Variants in SOX6 observed in about 807,000 individuals in gnomAD.
The protein encoded by SOX6 is SRY-box transcription factor 6.
A neutral mutation model predicts 97.8 loss-of-function variants in SOX6; 11 were observed. The ratio of observed to expected loss-of-function variants is 0.11; its 90% CI spans 0.07 to 0.19. The LOEUF is 0.19. Ranked by LOEUF, SOX6 falls within the 10% of genes least tolerant of loss-of-function variation. The pLI, the probability that SOX6 is intolerant of heterozygous loss-of-function variation, is 1.00. For missense variants in SOX6, 810 were observed against 1,039.5 expected (o/e 0.78, Z 3.04); for synonymous variants, 360 against 371.4 (o/e 0.97, Z 0.35).
In SOX6 at chr11:16,005,214, A is replaced by G. The variant is rs577952436; in HGVS notation, c.1732+9728T>C. On this transcript the variant is annotated intron_variant, in intron 13 of 15. Coordinates refer to ENST00000683767, the MANE Select transcript of SOX6 (RefSeq NM_001367873.1). ...ACCCATAAGTTAACTGAAGAATGCAATTTACTCCTTAATGGAGCCTCTCTT... is the reference window on the plus strand; with the variant it reads ...ACCCATAAGTTAACTGAAGAATGCAGTTTACTCCTTAATGGAGCCTCTCTT... Among the ~76,000 whole-genome samples, 35 of 152,136 alleles carry G rather than the reference A, an allele frequency of 2.3e-4. No homozygotes were observed. In the South Asian group the frequency reaches 7.1e-3, roughly 31 times the overall value.
At chr11:16,542,626 G>C (rs1458814568) in intron 4 of SOX6, among the ~76,000 whole-genome samples, 1 of 151,988 alleles carries the variant, frequency 6.6e-6, no homozygotes, top group Non-Finnish European at 1.5e-5. Context: ...TTTGAGAACT[G>C]TATTCAACAG....
chr11:16,316,712 C>T (rs1020546746), intron 3 of SOX6: 1 of 152,070 alleles, frequency 6.6e-6, no homozygotes, highest in Non-Finnish European at 1.5e-5. Context: ...TTTTGAAAAC[C>T]ACTTACTTAT....
chr11:16,371,001 G>A (rs1475130202), intron 1 of SOX6, among the ~76,000 whole-genome samples: 1 of 151,960 alleles, frequency 6.6e-6, no homozygotes, highest in Non-Finnish European at 1.5e-5. Context: ...AAATAAACAT[G>A]AGTCAGATCA....
At chr11:16,594,854 A>C (rs1182467271) in intron 4 of SOX6, among the ~76,000 whole-genome samples, 1 of 151,566 alleles carries the variant, frequency 6.6e-6, no homozygotes. Flanking sequence ...CCATGCCTGG[A>C]TAATTTTTTG....
At chr11:16,233,010 A>G (rs1852905746) in intron 4 of SOX6, among the ~76,000 whole-genome samples, 1 of 152,158 alleles carries the variant, frequency 6.6e-6, no homozygotes, top group African/African-American at 2.4e-5. Context: ...TTTATTAATT[A>G]TTTGCTGGGA....
intron 6 of SOX6, among the ~76,000 whole-genome samples, chr11:16,154,567 T>C (rs1186605399): frequency 6.6e-6 from 1 of 152,144 alleles, no homozygotes; most frequent in East Asian, 1.9e-4. Context: ...TCTTTTCTAA[T>C]CACCTGTCTC....
At chr11:16,563,190 A>C (rs375072799) in intron 4 of SOX6, among the ~76,000 whole-genome samples, 1 of 152,196 alleles carries the variant, frequency 6.6e-6, no homozygotes, top group Admixed American at 6.5e-5. Context: ...CAAATGAAGG[A>C]AATAGCCTCA....
At chr11:16,542,156 C>G (rs1265335403) in intron 4 of SOX6, among the ~76,000 whole-genome samples, 1 of 152,176 alleles carries the variant, frequency 6.6e-6, no homozygotes, top group African/African-American at 2.4e-5. Context: ...GAGTTCATGT[C>G]CTTTGCAGGG....
chr11:16,715,361 A>G (rs1165270539), intron 2 of SOX6, among the ~76,000 whole-genome samples: 1 of 152,234 alleles, frequency 6.6e-6, no homozygotes, highest in Non-Finnish European at 1.5e-5. Context: ...TAGTATGGCT[A>G]CTAGAAAATT....
intron 3 of SOX6, among the ~76,000 whole-genome samples, chr11:16,292,639 C>CAT (rs1170078531): frequency 6.6e-6 from 1 of 152,130 alleles, no homozygotes; most frequent in African/African-American, 2.4e-5. Flanking sequence ...TAAAACTCAA[C>CAT]ATATGTCCAA....
intron 4 of SOX6, among the ~76,000 whole-genome samples, chr11:16,525,961 G>A (rs1260119577): frequency 6.6e-6 from 1 of 152,076 alleles, no homozygotes; most frequent in Non-Finnish European, 1.5e-5. Flanking sequence ...TTAGAGTGGC[G>A]ATCATTAAAA....
rs183353659 is a variant in SOX6, at chr11:16,373,340, A to G, written c.-4-32088T>C. On this transcript the variant is annotated intron_variant, in intron 1 of 15. Coordinates refer to the SOX6 transcript ENST00000396356. ...GAGAGATGTGTCAGCAGTCAATCCA[A>G]GCAAACGGGTCCTTCTTCAGTTTCT... Among the ~76,000 whole-genome samples the G allele has an allele frequency of 2.6e-3, 389 of 152,234 alleles. 15 individuals carry two copies. The highest frequency in any genetic ancestry group is 0.025 in the Admixed American group (387 of 15,254).
intron 2 of SOX6, among the ~76,000 whole-genome samples, chr11:16,339,644 T>C (rs548741005): frequency 6.6e-6 from 1 of 152,156 alleles, no homozygotes; most frequent in East Asian, 1.9e-4. Flanking sequence ...TAATTTCTAT[T>C]CCCTCTCCCA....
chr11:16,470,550 A>C (rs911171359), intron 1 of SOX6, among the ~76,000 whole-genome samples: 1 of 152,180 alleles, frequency 6.6e-6, no homozygotes, highest in African/African-American at 2.4e-5. Flanking sequence ...CAAATGGTCC[A>C]GGAACCTGAG....
intron 4 of SOX6, among the ~76,000 whole-genome samples, chr11:16,188,749 T>C (rs1471519336): frequency 6.6e-6 from 1 of 152,084 alleles, no homozygotes; most frequent in East Asian, 1.9e-4. Flanking sequence ...TCCCTATTCT[T>C]AGGCATTTTG....
intron 9 of SOX6, 62 bp from the exon 10 acceptor site, chr11:16,055,963 G>A: frequency 1.3e-6 from 2 of 1,569,936 alleles, no homozygotes; most frequent in South Asian, 2.2e-5. Flanking sequence ...AGTTTCAAAA[G>A]AAAAAACTTA....
intron 2 of SOX6, among the ~76,000 whole-genome samples, chr11:16,327,533 A>G (rs1277493586): frequency 3.3e-5 from 5 of 152,168 alleles, no homozygotes; most frequent in Non-Finnish European, 7.3e-5. Context: ...CAGGAACTTT[A>G]GCATTTATAA....
chr11:16,280,409 A>C (rs923824750), intron 3 of SOX6, among the ~76,000 whole-genome samples: 4 of 151,482 alleles, frequency 2.6e-5, no homozygotes, highest in African/African-American at 7.3e-5. Flanking sequence ...CGTATGCATG[A>C]CTTTCACTTT....
intron 3 of SOX6, among the ~76,000 whole-genome samples, chr11:16,258,410 C>T (rs576612013): frequency 1.4e-4 from 21 of 151,894 alleles, no homozygotes; most frequent in South Asian, 1.0e-3. Context: ...TATGAAAAGA[C>T]GCGAAGGAAA....
Sources: allele counts gnomAD v4.1 joint callset (sites outside exome capture counted in the v4.1 genomes callset), GRCh38; gene constraint gnomAD v4.1.1; transcripts MANE v1.5; gene names NCBI Gene and HGNC (gene_info 2026-07-23, HGNC 2026-07-21).